The following HECA variants were observed in gnomAD, a reference collection of about 807,000 sequenced individuals.
The protein encoded by HECA is headcase protein homolog.
Under a neutral mutation model 37.6 loss-of-function variants are expected in HECA, and 13 were observed. The observed-to-expected ratio is 0.35, with a 90% CI of 0.23 to 0.55. HECA has a LOEUF of 0.55. Among genes scored for constraint, HECA ranks in the 20% least tolerant of loss-of-function variants. The pLI is 0.90. For missense variants in HECA, 527 were observed against 701.9 expected, an observed-to-expected ratio of 0.75 and a Z score of 2.82; for synonymous variants, 307 against 291.5, an observed-to-expected ratio of 1.05 and a Z score of -0.54.
chr6:139,171,702 C>A (rs1774975237), intron 2 of HECA, among the ~76,000 whole-genome samples: 1 of 152,298 alleles, frequency 6.6e-6, no homozygotes, highest in East Asian at 1.9e-4. Context: ...ATCATAGCTA[C>A]TGCAGCCTTG....
At position 139,176,811 on chromosome 6, in the gene HECA, C is replaced by T; in HGVS notation, c.1468-130C>T. 1.6e-6 allele frequency: 1 copy of T among 641,230 alleles called. No individual in the cohort carries two copies. 39.7% of individuals were successfully genotyped at this position (641,230 alleles called of 1,614,324 possible). On this transcript the variant is annotated intron_variant, in intron 3 of 3. Coordinates refer to ENST00000367658, the MANE Select transcript of HECA (RefSeq NM_016217.3). The surrounding 1 kb of genome is among the most constrained non-coding windows in gnomAD (Gnocchi z 4.5). ...GAGTCTTTCAGGTATACCCCGTTTCCATGTTTTTGGTAGTAAAAGGGATGC... is the reference window on the plus strand; with the variant it reads ...GAGTCTTTCAGGTATACCCCGTTTCTATGTTTTTGGTAGTAAAAGGGATGC...
intron 1 of HECA, among the ~76,000 whole-genome samples, chr6:139,145,894 T>C (rs1336037263): frequency 6.6e-6 from 1 of 152,178 alleles, no homozygotes; most frequent in Non-Finnish European, 1.5e-5. Flanking sequence ...CCTTGGTTGC[T>C]CTTGGGGAGG....
chr6:139,141,729 G>A (rs1265555867), intron 1 of HECA, among the ~76,000 whole-genome samples: 6 of 148,856 alleles, frequency 4.0e-5, no homozygotes, highest in Non-Finnish European at 8.9e-5. Flanking sequence ...CCGTTCATGA[G>A]AGCCCTCATG....
chr6:139,169,383 C>T (rs1774939557), intron 2 of HECA, among the ~76,000 whole-genome samples: 1 of 152,144 alleles, frequency 6.6e-6, no homozygotes, highest in African/African-American at 2.4e-5. Context: ...TACAAATTTT[C>T]TGTTCTTACA....
At chr6:139,158,055 C>T (rs1774741404) in intron 1 of HECA, among the ~76,000 whole-genome samples, 1 of 152,136 alleles carries the variant, frequency 6.6e-6, no homozygotes, top group African/African-American at 2.4e-5. Flanking sequence ...TTAACAATTG[C>T]TTATAGTTAA....
intron 1 of HECA, among the ~76,000 whole-genome samples, chr6:139,148,802 C>T (rs369566319): frequency 9.9e-5 from 15 of 152,210 alleles, no homozygotes; most frequent in African/African-American, 3.1e-4. Context: ...CTGCTGCCCT[C>T]CCTTACCTCC....
chr6:139,160,854 T>C (rs1353458359), intron 1 of HECA, among the ~76,000 whole-genome samples: 2 of 152,258 alleles, frequency 1.3e-5, no homozygotes, highest in African/African-American at 4.8e-5. Flanking sequence ...AACATTTTTA[T>C]GAAACTTTAC....
chr6:139,146,469 A>G (rs760854640), intron 1 of HECA, among the ~76,000 whole-genome samples: 5 of 152,226 alleles, frequency 3.3e-5, no homozygotes, highest in Non-Finnish European at 7.4e-5. Context: ...ATTTAGTATA[A>G]CACAACTTCT....
At chr6:139,167,900 T>G (rs549202495) in intron 2 of HECA, among the ~76,000 whole-genome samples, 189 of 152,232 alleles carry the variant, frequency 1.2e-3, no homozygotes, top group Middle Eastern at 3.4e-3. Flanking sequence ...ATATAAGGAT[T>G]TGGTACATTT....
chr6:139,156,878 T>C (rs1774724523), intron 1 of HECA, among the ~76,000 whole-genome samples: 1 of 152,156 alleles, frequency 6.6e-6, no homozygotes, highest in Non-Finnish European at 1.5e-5. Flanking sequence ...ATGGATTAGG[T>C]TTAAAAATAC....
intron 1 of HECA, chr6:139,144,208 C>T (rs147518548): frequency 6.6e-6 from 1 of 152,296 alleles, no homozygotes; most frequent in East Asian, 1.9e-4. Flanking sequence ...CATCCATTTA[C>T]TACATATTTA....
intron 1 of HECA, among the ~76,000 whole-genome samples, chr6:139,153,826 T>A (rs1774682035): frequency 6.6e-6 from 1 of 152,238 alleles, no homozygotes; most frequent in African/African-American, 2.4e-5. Flanking sequence ...ATTTTATTGA[T>A]CATCCTATCA....
chr6:139,140,685 G>C (rs892555444), intron 1 of HECA, among the ~76,000 whole-genome samples: 3 of 152,184 alleles, frequency 2.0e-5, no homozygotes, highest in Admixed American at 6.5e-5. Context: ...CCTCCTATGA[G>C]TTTACTTCAG....
chr6:139,155,576 A>G (rs1424468694), intron 1 of HECA: 1 of 152,208 alleles, frequency 6.6e-6, no homozygotes, highest in Admixed American at 6.5e-5. Context: ...ATGCACACGT[A>G]CATATACACA....
At chr6:139,160,899 T>G (rs10457030) in intron 1 of HECA, among the ~76,000 whole-genome samples, 2 of 151,792 alleles carry the variant, frequency 1.3e-5, no homozygotes, top group Non-Finnish European at 2.9e-5. Context: ...ATGAGCTGAA[T>G]AGGGCAAGCA....
At chr6:139,146,572 G>A (rs980830201) in intron 1 of HECA, among the ~76,000 whole-genome samples, 1 of 152,186 alleles carries the variant, frequency 6.6e-6, no homozygotes, top group African/African-American at 2.4e-5. Flanking sequence ...GGCTATTTTT[G>A]ATTGGCAGCG....
rs1775063728 is a variant in HECA at position 139,177,142 on chromosome 6, A to G, written c.*37A>G. On this transcript the variant is annotated 3_prime_UTR_variant, in exon 4 of 4. Transcript: ENST00000367658. This position sits in a 1 kb window ranked among gnomAD's most constrained non-coding sequence, Gnocchi z 4.9. The stretch of plus-strand genomic sequence containing the variant: ...CTTTAGTAATAGCTATTTTATTGAT[A>G]TTATTACTTTATTACATATCTTTTA... The G allele has an allele frequency of 1.3e-6, 1 of 788,300 alleles. No homozygotes were observed. Among genetic ancestry groups the G allele is most frequent in the Non-Finnish European group, 2.2e-6 (1 of 450,266 alleles). 48.8% of individuals were successfully genotyped at this position (788,300 alleles called of 1,614,324 possible).
rs369215561 is a variant in HECA, at chr6:139,174,377, G to A, written c.1313-8G>A. The A allele has an allele frequency of 6.2e-7, 1 of 1,612,128 alleles. No homozygotes were observed. On this transcript the variant is annotated splice_region_variant and splice_polypyrimidine_tract_variant and intron_variant, in intron 2 of 3. Transcript: ENST00000367658. ...GGCCACTCAGAGCCTTGTGTCTTCT[G>A]TGCACAGGGAGACTCATGCATCTGT...
chr6:139,155,221 C>T (rs1774697824), intron 1 of HECA, among the ~76,000 whole-genome samples: 1 of 152,114 alleles, frequency 6.6e-6, no homozygotes, highest in Non-Finnish European at 1.5e-5. Context: ...ATTTATGCAT[C>T]TAAACATACA....
Sources: allele counts gnomAD v4.1 joint callset (sites outside exome capture counted in the v4.1 genomes callset), GRCh38; gene constraint gnomAD v4.1.1; non-coding constraint Gnocchi (gnomAD v3.1); transcripts MANE v1.5; gene names NCBI Gene and HGNC (gene_info 2026-07-23, HGNC 2026-07-21).